The following EVC2 variants were observed in gnomAD, a reference collection of about 807,000 sequenced individuals.
EVC2 encodes limbin.
Under a neutral mutation model 149.3 loss-of-function variants are expected in EVC2, and 148 were observed. The observed-to-expected ratio is 0.99, with a 90% CI of 0.87 to 1.14. EVC2 has a LOEUF of 1.14. EVC2 is among the 50% of genes most tolerant of loss of function. The pLI is 0.00. For synonymous variants in EVC2, 776 were observed against 649.9 expected, an observed-to-expected ratio of 1.19 and a Z score of -2.95; for missense variants, 1,854 against 1,627.3, an observed-to-expected ratio of 1.14 and a Z score of -2.40.
intron 1 of EVC2, among the ~76,000 whole-genome samples, chr4:5,703,993 C>T (rs774964661): frequency 1.3e-5 from 2 of 152,084 alleles, no homozygotes; most frequent in South Asian, 4.2e-4. Flanking sequence ...TGGGAACACA[C>T]CCAGGGTGTT....
intron 10 of EVC2, among the ~76,000 whole-genome samples, chr4:5,638,899 G>A (rs549135656): frequency 6.6e-6 from 1 of 152,220 alleles, no homozygotes; most frequent in Non-Finnish European, 1.5e-5. Context: ...CTAGATTTTG[G>A]ACGTCTGGCC....
intron 1 of EVC2, among the ~76,000 whole-genome samples, chr4:5,698,203 C>T (rs529076307): frequency 2.0e-5 from 3 of 152,146 alleles, no homozygotes; most frequent in Non-Finnish European, 4.4e-5. Flanking sequence ...GGAGGCCGCA[C>T]CATGTGATTG....
At chr4:5,597,155 C>T (rs1432457925) in intron 16 of EVC2, among the ~76,000 whole-genome samples, 4 of 152,180 alleles carry the variant, frequency 2.6e-5, no homozygotes, top group Non-Finnish European at 4.4e-5. Context: ...GAACTGGTAC[C>T]ATTCCTTTCT....
At chr4:5,619,585 TTC>T (rs1008016702) in intron 14 of EVC2, among the ~76,000 whole-genome samples, 2 of 152,206 alleles carry the variant, frequency 1.3e-5, no homozygotes, top group Non-Finnish European at 2.9e-5. Context: ...GAGAATATAT[TTC>T]TGTTGTTTTA....
At position 5,708,557 on chromosome 4, in the gene EVC2, G is replaced by A. The variant is rs1368497201; in HGVS notation, c.-44C>T. On this transcript the variant is annotated 5_prime_UTR_variant, in exon 1 of 22. Transcript: ENST00000344408. Reference sequence around the variant, plus strand: ...ACCTCAAAGCGGCGGGTGCCGCCGAGTCGCTGGAGCTTCCGGACCCCAGGC... The same window carrying A: ...ACCTCAAAGCGGCGGGTGCCGCCGAATCGCTGGAGCTTCCGGACCCCAGGC... 1.5e-6 allele frequency: 2 copies of A among 1,338,728 alleles called. No individual in the cohort carries two copies. The highest frequency in any genetic ancestry group is 1.9e-6 in the Non-Finnish European group (2 of 1,032,544). The allele number at this position is 1,338,728 out of a possible 1,614,324, so 82.9% of individuals were successfully genotyped here.
chr4:5,634,897 A>G (rs1362419584), intron 10 of EVC2, among the ~76,000 whole-genome samples: 2 of 152,128 alleles, frequency 1.3e-5, no homozygotes, highest in Non-Finnish European at 2.9e-5. Flanking sequence ...CTGTAGGGGC[A>G]GCCTCCACCC....
At chr4:5,551,305 C>T (rs1297714537) in intron 21 of EVC2, among the ~76,000 whole-genome samples, 2 of 152,176 alleles carry the variant, frequency 1.3e-5, no homozygotes, top group African/African-American at 4.8e-5. Context: ...GGTAGAGTTG[C>T]CCAAGACTAG....
chr4:5,663,044 A>C, intron 9 of EVC2, 63 bp downstream of exon 9: 1 of 1,603,806 alleles, frequency 6.2e-7, no homozygotes, highest in Non-Finnish European at 8.5e-7. Context: ...ATTTGGCCTT[A>C]TGTCACTGTC....
chr4:5,708,611 G>C (rs892546809), upstream of EVC2: 249 of 895,750 alleles, frequency 2.8e-4, no homozygotes, highest in Non-Finnish European at 1.3e-4. Flanking sequence ...TGCTCAGTGC[G>C]AGCCGCCGCC....
Position 5,578,320 on chromosome 4 carries a change from A to G in EVC2, c.3058-1866T>C, listed in dbSNP as rs552521701. Among the ~76,000 whole-genome samples, 3 of 152,348 alleles carry G rather than the reference A, an allele frequency of 2.0e-5. No homozygotes were observed. In the South Asian group the frequency reaches 6.2e-4, roughly 32 times the overall value. The stretch of plus-strand genomic sequence containing the variant: ...CAATGATGATGATGATGGGGATGAC[A>G]GCAGCTGGCATTTACTGAATGCCAA... On this transcript the variant is annotated intron_variant, in intron 17 of 21. Coordinates refer to ENST00000344408, the MANE Select transcript of EVC2 (RefSeq NM_147127.5).
chr4:5,609,380 G>C (rs569450804), intron 16 of EVC2, among the ~76,000 whole-genome samples: 1 of 152,312 alleles, frequency 6.6e-6, no homozygotes, highest in African/African-American at 2.4e-5. Context: ...CCATGCAAGT[G>C]CTAAGAGATG....
intron 5 of EVC2, among the ~76,000 whole-genome samples, chr4:5,687,323 G>A (rs892366626): frequency 9.2e-5 from 14 of 152,248 alleles, no homozygotes; most frequent in Admixed American, 2.6e-4. Flanking sequence ...CCAGGAGCCC[G>A]GGAGCACTTT....
intron 1 of EVC2, among the ~76,000 whole-genome samples, chr4:5,706,307 T>C (rs1722128956): frequency 6.9e-6 from 1 of 144,706 alleles, no homozygotes; most frequent in Admixed American, 6.8e-5. Context: ...GATAGATACA[T>C]AGATAGATAG....
At chr4:5,632,728 T>C (rs915461942) in intron 10 of EVC2, among the ~76,000 whole-genome samples, 3 of 152,130 alleles carry the variant, frequency 2.0e-5, no homozygotes, top group African/African-American at 7.2e-5. Flanking sequence ...TGAGGTCTTG[T>C]GTGAGGAATG....
intron 6 of EVC2, among the ~76,000 whole-genome samples, chr4:5,683,978 G>A (rs1318114276): frequency 6.6e-6 from 1 of 152,132 alleles, no homozygotes. Flanking sequence ...AGCTCCTGAG[G>A]CTCCTGCCTG....
intron 7 of EVC2, among the ~76,000 whole-genome samples, chr4:5,667,535 GT>G (rs1719360326): frequency 2.0e-5 from 3 of 151,912 alleles, no homozygotes; most frequent in Admixed American, 2.0e-4. Context: ...TGTACCAAGG[GT>G]CCCCAAGGCC....
intron 16 of EVC2, among the ~76,000 whole-genome samples, chr4:5,594,063 C>G (rs946060266): frequency 1.3e-5 from 2 of 152,170 alleles, no homozygotes; most frequent in Non-Finnish European, 2.9e-5. Context: ...AACAAAGCAG[C>G]CCGGAAGCTC....
intron 7 of EVC2, among the ~76,000 whole-genome samples, chr4:5,674,484 C>T (rs1194127686): frequency 6.6e-6 from 1 of 152,096 alleles, no homozygotes; most frequent in Non-Finnish European, 1.5e-5. Flanking sequence ...TAAGTGCCAT[C>T]CAGAGGAATA....
At chr4:5,592,731 G>C (rs1375930836) in intron 16 of EVC2, among the ~76,000 whole-genome samples, 1 of 152,188 alleles carries the variant, frequency 6.6e-6, no homozygotes, top group Non-Finnish European at 1.5e-5. Flanking sequence ...TACTGGTAAG[G>C]AAGAAAGCCT....
Sources: gnomAD v4.1 joint callset for allele counts (sites outside exome capture counted in the v4.1 genomes callset) on GRCh38, gnomAD v4.1.1 for gene constraint, MANE v1.5 for transcripts, NCBI Gene and HGNC (gene_info 2026-07-23, HGNC 2026-07-21) for gene names.